Variants in BACH2 observed in about 807,000 individuals in gnomAD.
The protein encoded by BACH2 is transcription regulator protein BACH2.
BACH2 carries 5 observed loss-of-function variants against 61.8 expected under a neutral mutation model. That is an observed-to-expected ratio of 0.08 (90% CI 0.04 to 0.17). The LOEUF (loss-of-function observed/expected upper bound fraction) is 0.17, where lower values mean the gene tolerates loss of function less well. Among genes scored for constraint, BACH2 ranks in the 10% least tolerant of loss-of-function variants. BACH2 has a pLI of 1.00. For missense variants in BACH2, 824 were observed against 1,091.1 expected (o/e 0.76, Z 3.45); for synonymous variants, 446 against 440.1 (o/e 1.01, Z -0.17).
At chr6:90,213,483 G>C (rs900951184) in intron 3 of BACH2, among the ~76,000 whole-genome samples, 13 of 152,162 alleles carry the variant, frequency 8.5e-5, no homozygotes, top group African/African-American at 3.1e-4. Context: ...CCTCTGGGTT[G>C]TACTGCTAGG....
chr6:90,129,717 C>CT (rs1784014646), intron 4 of BACH2, among the ~76,000 whole-genome samples: 2 of 152,104 alleles, frequency 1.3e-5, no homozygotes, highest in African/African-American at 4.8e-5. Context: ...ATTTTATTCT[C>CT]TTTGTAGCAA....
intron 6 of BACH2, among the ~76,000 whole-genome samples, chr6:90,005,838 C>T (rs543904913): frequency 6.6e-6 from 1 of 152,260 alleles, no homozygotes; most frequent in South Asian, 2.1e-4. Context: ...CGTGAGCAAC[C>T]AGAATGTTTC....
At chr6:90,015,110 T>C (rs1370937205) in intron 5 of BACH2, among the ~76,000 whole-genome samples, 2 of 152,188 alleles carry the variant, frequency 1.3e-5, no homozygotes, top group African/African-American at 4.8e-5. Context: ...ATATTCCTTC[T>C]AATATGGGTT....
At chr6:90,208,248 C>CTATCAGCAG (rs1413262322) in intron 3 of BACH2, among the ~76,000 whole-genome samples, 34 of 152,272 alleles carry the variant, frequency 2.2e-4, no homozygotes, top group Non-Finnish European at 2.5e-4. Flanking sequence ...GCAAAAGAAA[C>CTATCAGCAG]TATCAGCAGA....
chr6:90,013,663 T>G (rs1302278885), intron 5 of BACH2, among the ~76,000 whole-genome samples: 3 of 151,800 alleles, frequency 2.0e-5, no homozygotes, highest in South Asian at 2.1e-4. Flanking sequence ...CCCGCCACCA[T>G]GCCAGGCTAA....
At chr6:90,172,838 T>TA (rs1419725499) in intron 4 of BACH2, among the ~76,000 whole-genome samples, 1 of 151,920 alleles carries the variant, frequency 6.6e-6, no homozygotes, top group Non-Finnish European at 1.5e-5. Flanking sequence ...AAATAGAGTA[T>TA]AAAAAACAGC....
intron 4 of BACH2, among the ~76,000 whole-genome samples, chr6:90,175,791 C>T (rs753890061): frequency 1.5e-4 from 23 of 152,064 alleles, no homozygotes; most frequent in African/African-American, 3.6e-4. Flanking sequence ...ACAAAGAGCC[C>T]GGCTGGTAGC....
At chr6:90,017,810 T>C (rs570729406) in intron 5 of BACH2, among the ~76,000 whole-genome samples, 2 of 152,360 alleles carry the variant, frequency 1.3e-5, no homozygotes, top group East Asian at 3.9e-4. Context: ...TTATTTATCT[T>C]CATTGTGAGT....
intron 2 of BACH2, among the ~76,000 whole-genome samples, chr6:90,259,796 G>A (rs1771098870): frequency 6.6e-6 from 1 of 152,048 alleles, no homozygotes; most frequent in Admixed American, 6.6e-5. Context: ...AATCCTGGTA[G>A]GTTGTATTTT....
At chr6:90,166,221 A>C (rs1378844150) in intron 4 of BACH2, among the ~76,000 whole-genome samples, 1 of 152,210 alleles carries the variant, frequency 6.6e-6, no homozygotes. Flanking sequence ...AGAAAAAAAC[A>C]ACCCCATCAA....
Position 90,030,337 on chromosome 6 carries a change from A to C in BACH2, c.-12-21481T>G, listed in dbSNP as rs142745663. Among the ~76,000 whole-genome samples, 788 of 152,232 alleles carry C rather than the reference A, an allele frequency of 5.2e-3. 6 individuals carry two copies. The highest frequency in any genetic ancestry group is 0.018 in the African/African-American group (739 of 41,534). On this transcript the variant is annotated intron_variant, in intron 5 of 8. Transcript: ENST00000257749. ...CAGGCCTCTGCTGCCCTGGGAGTAG[A>C]CGTGGCTCTGGAAGGCCTGGGTTTG...
rs184088772 is a variant in BACH2, at chr6:90,160,750, C to T, written c.-162+45819G>A. Reference sequence around the variant, plus strand: ...TTGAGACAAAAGAACCCCATGGAGACGACATCTAAGTTGGAGTCTTCACTT... The same window carrying T: ...TTGAGACAAAAGAACCCCATGGAGATGACATCTAAGTTGGAGTCTTCACTT... On this transcript the variant is annotated intron_variant, in intron 4 of 8. Transcript: ENST00000257749. 3.4e-3 allele frequency among the ~76,000 whole-genome samples: 515 copies of T among 152,220 alleles called. 9 individuals are homozygous for T. The highest frequency in any genetic ancestry group is 0.033 in the South Asian group (161 of 4,824).
Position 89,951,785 on chromosome 6 carries a change from G to C in BACH2, c.321C>G (p.Arg107=), listed in dbSNP as rs777584692. ...AKLLLSRENI[R]EVIRCAEFLR... ...GGAACTCAGCACAGCGGATGACCTC[G>C]CGGATGTTTTCTCTGCTGAGTAACA... Residue 107 remains arginine, a synonymous_variant, in exon 7 of 9, where the codon CGC becomes CGG. Coordinates refer to ENST00000257749, the MANE Select transcript of BACH2 (RefSeq NM_021813.4). The surrounding 1 kb of genome is among the most constrained non-coding windows in gnomAD (Gnocchi z 6.4). 1 of 1,614,248 alleles carries C rather than the reference G, an allele frequency of 6.2e-7. No individual in the cohort carries two copies.
At chr6:90,149,110 G>A (rs563656606) in intron 4 of BACH2, among the ~76,000 whole-genome samples, 4 of 152,338 alleles carry the variant, frequency 2.6e-5, no homozygotes, top group South Asian at 2.1e-4. Context: ...GAAGTGATGC[G>A]GATGTATGAT....
At chr6:90,106,587 G>A (rs921430947) in intron 4 of BACH2, among the ~76,000 whole-genome samples, 12 of 152,158 alleles carry the variant, frequency 7.9e-5, no homozygotes, top group African/African-American at 2.7e-4. Flanking sequence ...TGATGAGACT[G>A]CCTAATGACG....
intron 4 of BACH2, among the ~76,000 whole-genome samples, chr6:90,116,027 G>C (rs2127817928): frequency 6.6e-6 from 1 of 152,266 alleles, no homozygotes; most frequent in Non-Finnish European, 1.5e-5. Flanking sequence ...CAAAGTTGCA[G>C]AGAAAAGGGA....
chr6:90,027,835 C>G (rs1778713731), intron 5 of BACH2, among the ~76,000 whole-genome samples: 2 of 152,274 alleles, frequency 1.3e-5, no homozygotes, highest in South Asian at 2.1e-4. Flanking sequence ...CCTTGTTTTA[C>G]AGTAAACACA....
intron 5 of BACH2, among the ~76,000 whole-genome samples, chr6:90,053,930 T>C (rs1188052465): frequency 1.3e-5 from 2 of 152,158 alleles, no homozygotes; most frequent in African/African-American, 4.8e-5. Flanking sequence ...GATACACTGC[T>C]TCCTATATCT....
intron 4 of BACH2, among the ~76,000 whole-genome samples, chr6:90,202,282 A>C (rs1768981748): frequency 6.6e-6 from 1 of 152,194 alleles, no homozygotes; most frequent in East Asian, 1.9e-4. Context: ...AAGGAGGTGC[A>C]ATGAAAGAAA....
Sources: allele counts gnomAD v4.1 joint callset (sites outside exome capture counted in the v4.1 genomes callset), GRCh38; gene constraint gnomAD v4.1.1; non-coding constraint Gnocchi (gnomAD v3.1); transcripts MANE v1.5; gene names NCBI Gene and HGNC (gene_info 2026-07-23, HGNC 2026-07-21).